The following ABT1 variants were observed in gnomAD, a reference collection of about 807,000 sequenced individuals.
ABT1 encodes activator of basal transcription 1, also known as TATA-binding protein-binding protein.
A neutral mutation model predicts 14.0 loss-of-function variants in ABT1; 13 were observed. The ratio of observed to expected loss-of-function variants is 0.93; its 90% CI spans 0.61 to 1.48. The LOEUF is 1.48. ABT1 is among the 40% of genes most tolerant of loss of function. The pLI, the probability that ABT1 is intolerant of heterozygous loss-of-function variation, is 0.00. For synonymous variants in ABT1, 165 were observed against 144.6 expected (o/e 1.14, Z -1.01); for missense variants, 430 against 380.0 (o/e 1.13, Z -1.09).
rs888387964 is a variant in ABT1, at chr6:26,597,115, C to G, written c.133C>G (p.Pro45Ala). 1 of 1,613,972 alleles carries G rather than the reference C, an allele frequency of 6.2e-7. No individual in the cohort carries two copies. The highest frequency in any genetic ancestry group is 8.5e-7 in the Non-Finnish European group (1 of 1,179,992). ...AACGSKKRVV[P>A]GIVYLGHIPP... ...CTGTGGCAGCAAGAAACGGGTAGTGCCAGGTATTGTGTACCTGGGCCATAT... is the reference window on the plus strand; with the variant it reads ...CTGTGGCAGCAAGAAACGGGTAGTGGCAGGTATTGTGTACCTGGGCCATAT... The change falls in exon 1 of 3, where the codon CCA becomes GCA. Residue 45 changes from proline (P) to alanine (A), a missense_variant. Transcript: ENST00000274849.
At position 26,600,107 on chromosome 6, in the gene ABT1, G is replaced by A. The variant is rs183752542; in HGVS notation, c.*1462G>A. 1.2e-4 allele frequency: 19 copies of A among 152,316 alleles called. No homozygotes were observed. Among genetic ancestry groups the A allele is most frequent in the African/African-American group, 3.8e-4 (16 of 41,562 alleles). The allele number at this position is 152,316 out of a possible 1,614,324, so 9.4% of individuals were successfully genotyped here. The stretch of plus-strand genomic sequence containing the variant: ...CTCTTATACTTGGCACACAAACTAC[G>A]TTTCCATTTAGAAACTTTCGTCTTG... On this transcript the variant is annotated 3_prime_UTR_variant, in exon 3 of 3. Transcript: ENST00000274849.
At position 26,597,249 on chromosome 6, in the gene ABT1, CAGG is replaced by C. The variant is rs543466289; in HGVS notation, c.241+33_241+35del. 3.2e-5 allele frequency: 52 copies of C among 1,607,202 alleles called. No individual in the cohort carries two copies. In the African/African-American group the frequency reaches 6.5e-4, roughly 20 times the overall value. ...GTAAGTATGCAGGCCCTGACGGTGACAGGAGGAGGTTGTCGCTCGCTGGCGGGG... is the reference window on the plus strand; with the variant it reads ...GTAAGTATGCAGGCCCTGACGGTGACAGGAGGTTGTCGCTCGCTGGCGGGG... On this transcript the variant is annotated intron_variant, in intron 1 of 2. Coordinates refer to ENST00000274849, the MANE Select transcript of ABT1 (RefSeq NM_013375.4).
In ABT1 at chr6:26,600,178, C is replaced by T. The variant is rs1199220222; in HGVS notation, c.*1533C>T. 1 of 152,102 alleles carries T rather than the reference C, an allele frequency of 6.6e-6. No homozygotes were observed. The highest frequency in any genetic ancestry group is 1.5e-5 in the Non-Finnish European group (1 of 68,024). 9.4% of individuals were successfully genotyped at this position (152,102 alleles called of 1,614,324 possible). On this transcript the variant is annotated 3_prime_UTR_variant, in exon 3 of 3. Coordinates refer to ENST00000274849, the MANE Select transcript of ABT1 (RefSeq NM_013375.4). ...GGGTTTGTTTCATGTGAATTGTTTCCTCAGATCATTGATGTCTTAAAGTGA... is the reference window on the plus strand; with the variant it reads ...GGGTTTGTTTCATGTGAATTGTTTCTTCAGATCATTGATGTCTTAAAGTGA...
rs1266116791 is a variant in ABT1 at position 26,597,075 on chromosome 6, A to T, written c.93A>T (p.Glu31Asp). Reference protein sequence around the residue: ...QTLDAEEEQEESEEAACGSKK... With the variant: ...QTLDAEEEQEDSEEAACGSKK... ...TAGATGCGGAGGAGGAGCAGGAGGA[A>T]TCCGAAGAAGCGGCCTGTGGCAGCA... Residue 31 changes from glutamate (E) to aspartate (D), a missense_variant, in exon 1 of 3, where the codon GAA becomes GAT. By Grantham distance (45) the Glu-to-Asp change is conservative. Coordinates refer to ENST00000274849, the MANE Select transcript of ABT1 (RefSeq NM_013375.4). 7 of 1,613,936 alleles carry T rather than the reference A, an allele frequency of 4.3e-6. No individual in the cohort carries two copies. In the Admixed American group the frequency reaches 1.0e-4, roughly 23 times the overall value.
Position 26,598,641 on chromosome 6 carries a change from C to G in ABT1, c.815C>G (p.Ser272Cys). The change falls in exon 3 of 3, where the codon TCC (serine) becomes TGC (cysteine). Residue 272 changes from serine to cysteine, a missense_variant. By Grantham distance (112) the Ser-to-Cys change is moderately radical (BLOSUM62 -1). Coordinates refer to ENST00000274849, the MANE Select transcript of ABT1 (RefSeq NM_013375.4). Reference sequence around the variant, plus strand: ...GAGGGACCTTCCCTTGTCAGGGACTCCTGAGGGCCTGGGTGGCCCCTTCCA... The same window carrying G: ...GAGGGACCTTCCCTTGTCAGGGACTGCTGAGGGCCTGGGTGGCCCCTTCCA... ...SMEGPSLVRD[S>C] The G allele has an allele frequency of 6.4e-7, 1 of 1,551,034 alleles. No homozygotes were observed. Among genetic ancestry groups the G allele is most frequent in the Non-Finnish European group, 8.7e-7 (1 of 1,145,788 alleles).
chr6:26,597,218 C>T lies in ABT1; in HGVS notation c.236C>T (p.Ala79Val), dbSNP rs1385408224. 4 of 1,613,818 alleles carry T rather than the reference C, an allele frequency of 2.5e-6. No homozygotes were observed. Among genetic ancestry groups the T allele is most frequent in the Admixed American group, 3.3e-5 (2 of 60,008 alleles). ...YGEVGRVFFQ[A>V]EDRFVRRKKK... ...GAGGTCGGACGCGTCTTCTTTCAGG[C>T]TGAGGGTAAGTATGCAGGCCCTGAC... Residue 79 changes from alanine to valine, a missense_variant, in exon 1 of 3, where the codon GCT becomes GTT. Transcript: ENST00000274849.
chr6:26,597,879 G>T, intron 1 of ABT1, 35 bp from the exon 2 acceptor site: 1 of 1,576,018 alleles, frequency 6.3e-7, no homozygotes, highest in Admixed American at 1.8e-5. Context: ...GTGCTGCATA[G>T]GCGTCCTGGA....
intron 1 of ABT1, among the ~76,000 whole-genome samples, chr6:26,597,622 C>G (rs1364516955): frequency 6.6e-6 from 1 of 152,168 alleles, no homozygotes; most frequent in African/African-American, 2.4e-5. Flanking sequence ...GGTCAAGAAA[C>G]TATTTGATCA....
At position 26,599,884 on chromosome 6, in the gene ABT1, TTC is replaced by T. The variant is rs1456787443; in HGVS notation, c.*1241_*1242del. 6.6e-6 allele frequency: 1 copy of T among 152,286 alleles called. No homozygotes were observed. The highest frequency in any genetic ancestry group is 1.5e-5 in the Non-Finnish European group (1 of 68,072). The allele number at this position is 152,286 out of a possible 1,614,324, so 9.4% of individuals were successfully genotyped here. A position where few individuals can be genotyped will look rare whatever the true frequency, so the allele number is the denominator to read the frequency against. On this transcript the variant is annotated 3_prime_UTR_variant, in exon 3 of 3. Transcript: ENST00000274849. ...TGAAGTGATAGAGTATGATTATAAT[TTC>T]TGTTTGCTTGTGCTGTTTGTTTTTG...
rs1554144866 is a variant in ABT1, at chr6:26,598,830, G to T, written c.*185G>T. 3.4e-5 allele frequency: 22 copies of T among 653,144 alleles called. No homozygotes were observed. In the South Asian group the frequency reaches 6.0e-4, roughly 18 times the overall value. 40.5% of individuals were successfully genotyped at this position (653,144 alleles called of 1,614,324 possible). On this transcript the variant is annotated 3_prime_UTR_variant, in exon 3 of 3. Coordinates refer to ENST00000274849, the MANE Select transcript of ABT1 (RefSeq NM_013375.4). ...CACTCCGAACTCCTGTATGTGCCTGGCTGAGTCACCTAATTCATACTGTCA... is the reference window on the plus strand; with the variant it reads ...CACTCCGAACTCCTGTATGTGCCTGTCTGAGTCACCTAATTCATACTGTCA...
At position 26,599,928 on chromosome 6, in the gene ABT1, G is replaced by A. The variant is rs12204145; in HGVS notation, c.*1283G>A. 11,293 of 152,244 alleles carry A rather than the reference G, an allele frequency of 0.074. 712 individuals carry two copies. Among genetic ancestry groups the A allele is most frequent in the Non-Finnish European group, 0.097 (6,618 of 68,012 alleles). The allele number at this position is 152,244 out of a possible 1,614,324, so 9.4% of individuals were successfully genotyped here. ...TTGTTTTTGTTTTTCATCTGTCAATGTGATGATCTGTGTTTTATAGGGTAG... is the reference window on the plus strand; with the variant it reads ...TTGTTTTTGTTTTTCATCTGTCAATATGATGATCTGTGTTTTATAGGGTAG... On this transcript the variant is annotated 3_prime_UTR_variant, in exon 3 of 3. Coordinates refer to ENST00000274849, the MANE Select transcript of ABT1 (RefSeq NM_013375.4).
rs573455866 is a variant in ABT1 at position 26,597,072 on chromosome 6, G to A, written c.90G>A (p.Glu30=). The A allele has an allele frequency of 5.6e-6, 9 of 1,613,958 alleles. No individual in the cohort carries two copies. Among genetic ancestry groups the A allele is most frequent in the South Asian group, 5.5e-5 (5 of 91,070 alleles). ...CACTAGATGCGGAGGAGGAGCAGGA[G>A]GAATCCGAAGAAGCGGCCTGTGGCA... The part of the protein sequence containing the change: ...EQTLDAEEEQ[E]ESEEAACGSK... The change falls in exon 1 of 3, where the codon GAG becomes GAA. Residue 30 remains glutamate, a synonymous_variant. Coordinates refer to ENST00000274849, the MANE Select transcript of ABT1 (RefSeq NM_013375.4).
chr6:26,598,524 G>C lies in ABT1; in HGVS notation c.698G>C (p.Arg233Pro), dbSNP rs782467653. The change falls in exon 3 of 3, where the codon CGG (arginine) becomes CCG (proline). Residue 233 changes from arginine (R) to proline (P), a missense_variant. Transcript: ENST00000274849. Reference sequence around the variant, plus strand: ...GCAGCACGGCCAGGGGGACGTGAACGGGCTCGCCTGGCAACTGCCCAGGAC... The same window carrying C: ...GCAGCACGGCCAGGGGGACGTGAACCGGCTCGCCTGGCAACTGCCCAGGAC... ...RKAARPGGRE[R>P]ARLATAQDKA... 1 of 1,613,712 alleles carries C rather than the reference G, an allele frequency of 6.2e-7. No individual in the cohort carries two copies.
At position 26,598,468 on chromosome 6, in the gene ABT1, T is replaced by A; in HGVS notation, c.642T>A (p.Arg214=). 1 of 1,614,138 alleles carries A rather than the reference T, an allele frequency of 6.2e-7. No homozygotes were observed. Among genetic ancestry groups the A allele is most frequent in the East Asian group, 2.2e-5 (1 of 44,870 alleles). The change falls in exon 3 of 3, where the codon CGT becomes CGA. Residue 214 remains arginine, a synonymous_variant. Coordinates refer to ENST00000274849, the MANE Select transcript of ABT1 (RefSeq NM_013375.4). ...RPDGSWTFAQ[R]PTEQELRARK... ...ATGGCTCCTGGACATTTGCCCAGCG[T>A]CCTACTGAGCAGGAACTGAGGGCCC...
In ABT1 at chr6:26,600,432, A is replaced by T; in HGVS notation, c.*1787A>T. ...CCCACGGTGGACAGCGTTAGATAAC[A>T]GTATGTTCAAGGGCTGGTATTTCAG... On this transcript the variant is annotated 3_prime_UTR_variant, in exon 3 of 3. Transcript: ENST00000274849. 1 of 152,246 alleles carries T rather than the reference A, an allele frequency of 6.6e-6. No homozygotes were observed. The highest frequency in any genetic ancestry group is 1.5e-5 in the Non-Finnish European group (1 of 68,044). The allele number at this position is 152,246 out of a possible 1,614,324, so 9.4% of individuals were successfully genotyped here. A position where few individuals can be genotyped will look rare whatever the true frequency, so the allele number is the denominator to read the frequency against.
In ABT1 at chr6:26,598,732, A is replaced by G. The variant is rs1352228461; in HGVS notation, c.*87A>G. 6.8e-7 allele frequency: 1 copy of G among 1,463,518 alleles called. No homozygotes were observed. Among genetic ancestry groups the G allele is most frequent in the African/African-American group, 1.4e-5 (1 of 70,946 alleles). The allele number at this position is 1,463,518 out of a possible 1,614,324, so 90.7% of individuals were successfully genotyped here. A position where few individuals can be genotyped will look rare whatever the true frequency, so the allele number is the denominator to read the frequency against. On this transcript the variant is annotated 3_prime_UTR_variant, in exon 3 of 3. Transcript: ENST00000274849. Reference sequence around the variant, plus strand: ...AATGATCGTGACTACCCGGGCAGACATTTTACTGTGTTTCTCAGACCAAGT... The same window carrying G: ...AATGATCGTGACTACCCGGGCAGACGTTTTACTGTGTTTCTCAGACCAAGT...
At position 26,597,046 on chromosome 6, in the gene ABT1, A is replaced by G. The variant is rs367775660; in HGVS notation, c.64A>G (p.Thr22Ala). The G allele has an allele frequency of 6.2e-7, 1 of 1,613,884 alleles. No individual in the cohort carries two copies. Among genetic ancestry groups the G allele is most frequent in the Admixed American group, 1.7e-5 (1 of 60,012 alleles). ...EQEPLEGTEQ[T>A]LDAEEEQEES... ...AGAGCCGCTGGAAGGGACAGAACAG[A>G]CACTAGATGCGGAGGAGGAGCAGGA... Residue 22 changes from threonine (T) to alanine (A), a missense_variant, in exon 1 of 3, where the codon ACA (threonine) becomes GCA (alanine). Coordinates refer to ENST00000274849, the MANE Select transcript of ABT1 (RefSeq NM_013375.4).
In ABT1 at chr6:26,597,904, T is replaced by C. The variant is rs199711194; in HGVS notation, c.242-10T>C. 10 of 1,603,680 alleles carry C rather than the reference T, an allele frequency of 6.2e-6. No homozygotes were observed. The highest frequency in any genetic ancestry group is 8.5e-6 in the Non-Finnish European group (10 of 1,173,360). On this transcript the variant is annotated splice_polypyrimidine_tract_variant and intron_variant, in intron 1 of 2. Coordinates refer to ENST00000274849, the MANE Select transcript of ABT1 (RefSeq NM_013375.4). ...GGCGTCCTGGACGGGTCTTTGTCTT[T>C]GGCGCGCAGACCGGTTCGTGAGACG... is the stretch of plus-strand genomic sequence containing the variant.
In ABT1 at chr6:26,598,423, T is replaced by G; in HGVS notation, c.597T>G (p.Asp199Glu). ...VERGQRFLAA[D>E]GDPARPDGSW... Reference sequence around the variant, plus strand: ...GGGGACAACGCTTTCTTGCGGCCGATGGGGACCCTGCTCGCCCAGATGGCT... The same window carrying G: ...GGGGACAACGCTTTCTTGCGGCCGAGGGGGACCCTGCTCGCCCAGATGGCT... The change falls in exon 3 of 3, where the codon GAT (aspartate) becomes GAG (glutamate). Residue 199 changes from aspartate (D) to glutamate (E), a missense_variant. Physicochemically the swap from Asp to Glu is conservative, Grantham distance 45. Transcript: ENST00000274849. The G allele has an allele frequency of 6.2e-7, 1 of 1,614,224 alleles. No homozygotes were observed. Among genetic ancestry groups the G allele is most frequent in the South Asian group, 1.1e-5 (1 of 91,086 alleles).
Sources: allele counts gnomAD v4.1 joint callset (sites outside exome capture counted in the v4.1 genomes callset), GRCh38; gene constraint gnomAD v4.1.1; transcripts MANE v1.5; gene names NCBI Gene and HGNC (gene_info 2026-07-23, HGNC 2026-07-21).